The following SNAP25 variants were observed in gnomAD, a reference collection of about 807,000 sequenced individuals.
SNAP25 encodes synaptosomal-associated protein 25.
SNAP25 carries 3 observed loss-of-function variants against 28.7 expected under a neutral mutation model. That is an observed-to-expected ratio of 0.10 (90% confidence interval 0.05 to 0.27). The LOEUF (loss-of-function observed/expected upper bound fraction) is 0.27, where lower values mean the gene tolerates loss of function less well. Ranked by LOEUF, SNAP25 falls within the 10% of genes least tolerant of loss-of-function variation. The probability of loss-of-function intolerance (pLI) is 1.00; values close to 1 mark genes in which losing one functional copy is unlikely to be tolerated. For synonymous variants in SNAP25, 61 were observed against 88.1 expected, an observed-to-expected ratio of 0.69 and a Z score of 1.72; for missense variants, 117 against 278.7, an observed-to-expected ratio of 0.42 and a Z score of 4.13.
chr20:10,271,551 T>C (rs1282361130), intron 1 of SNAP25, among the ~76,000 whole-genome samples: 1 of 152,150 alleles, frequency 6.6e-6, no homozygotes, highest in Non-Finnish European at 1.5e-5. Context: ...AAACCAAGGG[T>C]ATCTGCCACA....
chr20:10,268,233 T>C (rs1320021665), intron 1 of SNAP25, among the ~76,000 whole-genome samples: 1 of 152,198 alleles, frequency 6.6e-6, no homozygotes, highest in Non-Finnish European at 1.5e-5. Flanking sequence ...CATAAACTTT[T>C]GTTGAATTTG....
At chr20:10,253,028 C>A (rs1473026512) in intron 1 of SNAP25, among the ~76,000 whole-genome samples, 1 of 152,062 alleles carries the variant, frequency 6.6e-6, no homozygotes, top group Non-Finnish European at 1.5e-5. Flanking sequence ...ATCTTAAGGA[C>A]CTAGTAAAGG....
At chr20:10,300,213 A>G (rs1328176796) in intron 7 of SNAP25, among the ~76,000 whole-genome samples, 1 of 152,136 alleles carries the variant, frequency 6.6e-6, no homozygotes, top group African/African-American at 2.4e-5. Context: ...GCTTAAAATT[A>G]GAAGAGATTG....
At chr20:10,241,220 G>A (rs2063025927) in intron 1 of SNAP25, among the ~76,000 whole-genome samples, 3 of 152,022 alleles carry the variant, frequency 2.0e-5, no homozygotes, top group South Asian at 2.1e-4. Context: ...GGAAGTGAGG[G>A]CAGCATCTGT....
chr20:10,260,560 C>G (rs901001902), intron 1 of SNAP25, among the ~76,000 whole-genome samples: 30 of 152,154 alleles, frequency 2.0e-4, no homozygotes, highest in African/African-American at 7.0e-4. Context: ...ACCCCAGAAT[C>G]ACTTACTACA....
At chr20:10,282,597 G>A (rs1191822641) in intron 3 of SNAP25, among the ~76,000 whole-genome samples, 1 of 152,176 alleles carries the variant, frequency 6.6e-6, no homozygotes, top group Non-Finnish European at 1.5e-5. Flanking sequence ...AGAATATCAA[G>A]AAAGTGTAAA....
rs3787289 is a variant in SNAP25 at position 10,260,145 on chromosome 20, C to G, written c.-63-15284C>G. ...TTCCTTAGAGTCTGTTGCAAATTTTCCTCTGCCAATTTGGTAATTCTCAGT... is the reference window on the plus strand; with the variant it reads ...TTCCTTAGAGTCTGTTGCAAATTTTGCTCTGCCAATTTGGTAATTCTCAGT... On this transcript the variant is annotated intron_variant, in intron 1 of 7. Transcript: ENST00000254976. Among the ~76,000 whole-genome samples, 171 of 152,264 alleles carry G rather than the reference C, an allele frequency of 1.1e-3. 1 individual carries two copies. The East Asian group carries it at 0.029, about 26-fold the overall frequency.
intron 1 of SNAP25, among the ~76,000 whole-genome samples, chr20:10,236,281 G>A (rs1409825307): frequency 6.6e-6 from 1 of 152,060 alleles, no homozygotes; most frequent in African/African-American, 2.4e-5. Flanking sequence ...ATCTCTCCAA[G>A]GTAACTAAGG....
chr20:10,304,039 C>T (rs76135249), intron 7 of SNAP25, among the ~76,000 whole-genome samples: 2 of 152,128 alleles, frequency 1.3e-5, no homozygotes, highest in Non-Finnish European at 2.9e-5. Flanking sequence ...AACTAATGAG[C>T]CCTTCGTTTT....
chr20:10,228,432 T>C (rs995428007), intron 1 of SNAP25, among the ~76,000 whole-genome samples: 4 of 152,112 alleles, frequency 2.6e-5, no homozygotes, highest in Admixed American at 6.5e-5. Flanking sequence ...TGCTGATACA[T>C]AGAACGTGAG....
At chr20:10,261,675 G>A (rs2063416552) in intron 1 of SNAP25, among the ~76,000 whole-genome samples, 1 of 152,108 alleles carries the variant, frequency 6.6e-6, no homozygotes, top group Admixed American at 6.5e-5. Context: ...TACTTAGAAT[G>A]AGGCTAGGTT....
intron 3 of SNAP25, among the ~76,000 whole-genome samples, chr20:10,281,603 G>A (rs2063778951): frequency 6.6e-6 from 1 of 152,146 alleles, no homozygotes; most frequent in Admixed American, 6.6e-5. Flanking sequence ...GAGACACACA[G>A]GTATAAACGG....
intron 1 of SNAP25, among the ~76,000 whole-genome samples, chr20:10,233,608 G>T (rs750948805): frequency 1.1e-4 from 16 of 152,202 alleles, no homozygotes; most frequent in Admixed American, 7.9e-4. Context: ...ATAATGGGAT[G>T]CAGGAAGGCA....
chr20:10,302,807 A>C (rs2064271887), intron 7 of SNAP25, among the ~76,000 whole-genome samples: 1 of 151,554 alleles, frequency 6.6e-6, no homozygotes, highest in African/African-American at 2.4e-5. Context: ...AAAAGAAGCT[A>C]ATTCTTTTAT....
At chr20:10,269,911 G>C (rs554357942) in intron 1 of SNAP25, among the ~76,000 whole-genome samples, 90 of 152,294 alleles carry the variant, frequency 5.9e-4, no homozygotes, top group African/African-American at 2.1e-3. Flanking sequence ...CTAACTTCCC[G>C]AAAGCCCCTG....
chr20:10,278,923 T>A (rs1295718099), intron 3 of SNAP25, among the ~76,000 whole-genome samples: 2 of 5,212 alleles, frequency 3.8e-4, no homozygotes, highest in East Asian at 7.5e-3. Flanking sequence ...GGGAAGTGGG[T>A]GGGGCGGGGG....
At chr20:10,247,485 A>G (rs1412641663) in intron 1 of SNAP25, among the ~76,000 whole-genome samples, 1 of 152,272 alleles carries the variant, frequency 6.6e-6, no homozygotes, top group Non-Finnish European at 1.5e-5. Flanking sequence ...GAAAAGGCTA[A>G]GAATAGAATC....
chr20:10,297,043 A>T lies in SNAP25; in HGVS notation c.400A>T (p.Ile134Phe). 1 of 1,599,234 alleles carries T rather than the reference A, an allele frequency of 6.3e-7. No homozygotes were observed. Among genetic ancestry groups the T allele is most frequent in the Non-Finnish European group, 8.5e-7 (1 of 1,172,124 alleles). Reference sequence around the variant, plus strand: ...GCAGATGGCCATCAGTGGCGGCTTCATCCGCAGGTGAGCCTCATGCAGCAT... The same window carrying T: ...GCAGATGGCCATCAGTGGCGGCTTCTTCCGCAGGTGAGCCTCATGCAGCAT... ...REQMAISGGF[I>F]RRVTNDAREN... Residue 134 changes from isoleucine (I) to phenylalanine (F), a missense_variant, in exon 6 of 8, where the codon ATC (isoleucine) becomes TTC (phenylalanine). Around this residue, in one of 3 missense-constraint regions of SNAP25, gnomAD observed 88 missense variants for 206.9 expected, o/e 0.43. Coordinates refer to ENST00000254976, the MANE Select transcript of SNAP25 (RefSeq NM_130811.4).
chr20:10,245,972 G>A (rs975859447), intron 1 of SNAP25, among the ~76,000 whole-genome samples: 1 of 152,126 alleles, frequency 6.6e-6, no homozygotes, highest in African/African-American at 2.4e-5. Context: ...TACCTTTACC[G>A]AAGTCTGAGA....
Sources: gnomAD v4.1 joint callset for allele counts (sites outside exome capture counted in the v4.1 genomes callset) on GRCh38, gnomAD v4.1.1 for gene constraint, gnomAD v4.1.1 regional missense constraint, MANE v1.5 for transcripts, NCBI Gene and HGNC (gene_info 2026-07-23, HGNC 2026-07-21) for gene names.